The following DHRSX variants were observed in gnomAD, a reference collection of about 807,000 sequenced individuals.
DHRSX encodes the protein dehydrogenase/reductase X-linked.
In DHRSX, 31 loss-of-function variants were observed where a neutral mutation model predicts 34.0. The observed-to-expected ratio is 0.91, with a 90% CI of 0.69 to 1.23. The LOEUF is 1.23. Ranked by LOEUF, DHRSX falls within the 50% of genes most tolerant of loss-of-function variation. The pLI is 0.00. For missense variants in DHRSX, 414 were observed against 428.1 expected, an observed-to-expected ratio of 0.97 and a Z score of 0.29; for synonymous variants, 201 against 183.8, an observed-to-expected ratio of 1.09 and a Z score of -0.76.
intron 3 of DHRSX, among the ~76,000 whole-genome samples, chrX:2,403,339 T>C (rs2043511345): frequency 6.6e-6 from 1 of 152,326 alleles, no homozygotes; most frequent in South Asian, 2.1e-4. Context: ...TCTTACAAGA[T>C]GGTAAAGCTT....
At chrX:2,384,386 G>A (rs181122883) in intron 3 of DHRSX, among the ~76,000 whole-genome samples, 1 of 152,124 alleles carries the variant, frequency 6.6e-6, no homozygotes, top group Middle Eastern at 3.2e-3. Context: ...TGGAGAACAC[G>A]GACGTGGTTG....
At chrX:2,365,928 G>C (rs1299715604) in intron 3 of DHRSX, among the ~76,000 whole-genome samples, 1 of 152,076 alleles carries the variant, frequency 6.6e-6, no homozygotes, top group Non-Finnish European at 1.5e-5. Flanking sequence ...CTAGTTCTAG[G>C]AACAGTTCAC....
chrX:2,404,271 C>T (rs1188448157), intron 3 of DHRSX, among the ~76,000 whole-genome samples: 7 of 152,084 alleles, frequency 4.6e-5, no homozygotes, highest in Non-Finnish European at 7.4e-5. Flanking sequence ...GTTTACTCCC[C>T]GGAAATGCTG....
chrX:2,288,669 G>T (rs2041832967), intron 4 of DHRSX, among the ~76,000 whole-genome samples: 1 of 152,218 alleles, frequency 6.6e-6, no homozygotes, highest in African/African-American at 2.4e-5. Context: ...ACTGGCTTGA[G>T]GTGCCTCTGA....
intron 3 of DHRSX, among the ~76,000 whole-genome samples, chrX:2,317,688 G>C (rs1395569358): frequency 1.3e-5 from 2 of 152,002 alleles, no homozygotes; most frequent in African/African-American, 4.8e-5. Context: ...GTGAGTCTTT[G>C]ATTGGCACTC....
rs1422558112 is a variant in DHRSX, at chrX:2,262,082, G to A, written c.596+4658C>T. The stretch of plus-strand genomic sequence containing the variant: ...GGCTCCGTGTGTGGAGCCCCGAGTG[G>A]GCATCAGGGAAGGCTGGCCCCCACA... On this transcript the variant is annotated intron_variant, in intron 5 of 6. Transcript: ENST00000334651. 3.9e-5 allele frequency among the ~76,000 whole-genome samples: 6 copies of A among 152,232 alleles called. No individual in the cohort carries two copies. The South Asian group carries it at 1.2e-3, about 32-fold the overall frequency.
intron 4 of DHRSX, among the ~76,000 whole-genome samples, chrX:2,288,700 G>T (rs1413791714): frequency 1.3e-5 from 2 of 152,174 alleles, no homozygotes; most frequent in Admixed American, 1.3e-4. Flanking sequence ...GAAGGTAAAA[G>T]GTCTTAGCAT....
intron 3 of DHRSX, among the ~76,000 whole-genome samples, chrX:2,392,779 A>G (rs2043350162): frequency 7.2e-6 from 1 of 139,836 alleles, no homozygotes; most frequent in Non-Finnish European, 1.5e-5. Flanking sequence ...TATACTATTT[A>G]TAGAATAGCA....
At chrX:2,445,637 G>A (rs186282994) in intron 1 of DHRSX, among the ~76,000 whole-genome samples, 2 of 151,966 alleles carry the variant, frequency 1.3e-5, no homozygotes, top group African/African-American at 4.8e-5. Context: ...CTAAGAATGC[G>A]GCCAAGGGAC....
At chrX:2,434,944 GAC>G (rs1332858162) in intron 1 of DHRSX, among the ~76,000 whole-genome samples, 1 of 152,146 alleles carries the variant, frequency 6.6e-6, no homozygotes, top group African/African-American at 2.4e-5. Flanking sequence ...AGGAAAAAAA[GAC>G]ACACGTGATT....
chrX:2,285,063 T>C (rs1480441549), intron 4 of DHRSX, among the ~76,000 whole-genome samples: 1 of 152,082 alleles, frequency 6.6e-6, no homozygotes. Flanking sequence ...AGGGCAGCAG[T>C]CTCCAACCTT....
chrX:2,499,062 G>A (rs1246050704), intron 1 of DHRSX, among the ~76,000 whole-genome samples: 1 of 152,182 alleles, frequency 6.6e-6, no homozygotes, highest in Non-Finnish European at 1.5e-5. Context: ...GCGGGAGAGA[G>A]AGGCTCATTT....
intron 6 of DHRSX, among the ~76,000 whole-genome samples, chrX:2,223,625 G>A (rs1377474280): frequency 2.6e-5 from 4 of 152,176 alleles, no homozygotes; most frequent in African/African-American, 9.7e-5. Context: ...CAGAGCAGGA[G>A]GAAAGGGAGA....
intron 5 of DHRSX, among the ~76,000 whole-genome samples, chrX:2,252,391 T>G (rs2016453800): frequency 1.3e-5 from 2 of 152,102 alleles, no homozygotes; most frequent in Admixed American, 1.3e-4. Context: ...TTCTCCAATC[T>G]CCTCACCCCA....
intron 6 of DHRSX, among the ~76,000 whole-genome samples, chrX:2,241,827 G>T (rs1296495825): frequency 1.3e-5 from 2 of 152,094 alleles, no homozygotes; most frequent in Admixed American, 1.3e-4. Context: ...AGAATCGCTT[G>T]AACCCAGGAG....
chrX:2,263,533 G>A (rs2041392639), intron 5 of DHRSX, among the ~76,000 whole-genome samples: 1 of 132,470 alleles, frequency 7.5e-6, no homozygotes, highest in Non-Finnish European at 1.6e-5. Context: ...TTTTTTTTGA[G>A]ACGGAATTTT....
chrX:2,500,353 T>C, intron 1 of DHRSX: 1 of 178,868 alleles, frequency 5.6e-6, no homozygotes, highest in South Asian at 1.2e-4. Flanking sequence ...CGCCCGCTCC[T>C]CCCCTCCGGG....
chrX:2,433,925 C>T (rs541499597), intron 1 of DHRSX, among the ~76,000 whole-genome samples: 27 of 152,256 alleles, frequency 1.8e-4, no homozygotes, highest in African/African-American at 6.3e-4. Context: ...CAGGCGCCCG[C>T]CACCACGCCC....
At chrX:2,318,261 G>A (rs1193494720) in intron 3 of DHRSX, among the ~76,000 whole-genome samples, 1 of 151,438 alleles carries the variant, frequency 6.6e-6, no homozygotes, top group African/African-American at 2.4e-5. Flanking sequence ...AGCTACTTGG[G>A]AGGCTGAGGT....
Sources: gnomAD v4.1 joint callset for allele counts (sites outside exome capture counted in the v4.1 genomes callset) on GRCh38, gnomAD v4.1.1 for gene constraint, MANE v1.5 for transcripts, NCBI Gene and HGNC (gene_info 2026-07-23, HGNC 2026-07-21) for gene names.